Variants in CD247 observed in about 807,000 individuals in gnomAD.
CD247 encodes T-cell surface glycoprotein CD3 zeta chain.
CD247 carries 13 observed loss-of-function variants against 30.0 expected under a neutral mutation model. That is an observed-to-expected ratio of 0.43 (90% CI 0.28 to 0.69). The LOEUF (loss-of-function observed/expected upper bound fraction) is 0.69, where lower values mean the gene tolerates loss of function less well. Among genes scored for constraint, CD247 ranks in the 30% least tolerant of loss-of-function variants. The pLI, the probability that CD247 is intolerant of heterozygous loss-of-function variation, is 0.16. For synonymous variants in CD247, 72 were observed against 80.0 expected (o/e 0.90, Z 0.53); for missense variants, 193 against 212.6 (o/e 0.91, Z 0.57).
intron 2 of CD247, 95 bp downstream of exon 2, chr1:167,440,569 C>T: frequency 2.5e-6 from 2 of 805,580 alleles, no homozygotes; most frequent in Non-Finnish European, 4.3e-6. Context: ...CCCCAGGCAC[C>T]ACCCGAGCTT....
chr1:167,488,048 T>C (rs922893141), intron 1 of CD247, among the ~76,000 whole-genome samples: 1 of 152,172 alleles, frequency 6.6e-6, no homozygotes, highest in Non-Finnish European at 1.5e-5. Flanking sequence ...CCCACAATAC[T>C]ACTTTCTAGC....
intron 3 of CD247, 68 bp downstream of exon 3, chr1:167,439,276 C>T: frequency 7.1e-7 from 1 of 1,412,518 alleles, no homozygotes; most frequent in Admixed American, 1.7e-5. Flanking sequence ...CTCTGGCGGG[C>T]GCGTTCCCTA....
chr1:167,460,323 G>A (rs1054176762), intron 1 of CD247, among the ~76,000 whole-genome samples: 17 of 152,104 alleles, frequency 1.1e-4, no homozygotes, highest in Non-Finnish European at 1.0e-4. Flanking sequence ...GATCACCTGA[G>A]CCCGAGGAGG....
chr1:167,437,836 A>AT (rs1467541475), intron 4 of CD247, among the ~76,000 whole-genome samples: 1 of 152,224 alleles, frequency 6.6e-6, no homozygotes, highest in Non-Finnish European at 1.5e-5. Context: ...AGTACTATAC[A>AT]TTTTAATATC....
chr1:167,433,949 G>A, intron 6 of CD247, 71 bp downstream of exon 6: 1 of 1,324,364 alleles, frequency 7.6e-7, no homozygotes, highest in Non-Finnish European at 1.1e-6. Context: ...GATGGGAAAG[G>A]AGGCCTGCAG....
intron 1 of CD247, among the ~76,000 whole-genome samples, chr1:167,505,682 G>C (rs1007716895): frequency 1.3e-5 from 2 of 152,268 alleles, no homozygotes; most frequent in Non-Finnish European, 2.9e-5. Flanking sequence ...TGCAGAAGCT[G>C]GAGTGGAGGG....
intron 1 of CD247, among the ~76,000 whole-genome samples, chr1:167,479,155 A>C (rs7518703): frequency 0.12 from 17,908 of 152,220 alleles, 1,379 homozygotes; most frequent in Admixed American, 0.25. Context: ...GGTTATTCAT[A>C]CTGTTTAATC....
At position 167,461,912 on chromosome 1, in the gene CD247, A is replaced by G. The variant is rs536490987; in HGVS notation, c.59-21145T>C. ...CCTCCCTTTTGTGTCCCCCACCCTC[A>G]AACCTTAGTTGCACTTTAGGTCAAT... On this transcript the variant is annotated intron_variant, in intron 1 of 7. Coordinates refer to ENST00000362089, the MANE Select transcript of CD247 (RefSeq NM_198053.3). Among the ~76,000 whole-genome samples, 90 of 152,306 alleles carry G rather than the reference A, an allele frequency of 5.9e-4. No individual in the cohort carries two copies. The Middle Eastern group carries it at 0.014, about 23-fold the overall frequency.
intron 1 of CD247, among the ~76,000 whole-genome samples, chr1:167,498,326 C>T (rs1179931864): frequency 6.6e-6 from 1 of 152,192 alleles, no homozygotes; most frequent in Non-Finnish European, 1.5e-5. Flanking sequence ...TTGGAATGCT[C>T]AGGTCCCTCA....
At chr1:167,466,710 G>A (rs1265516134) in intron 1 of CD247, among the ~76,000 whole-genome samples, 4 of 152,216 alleles carry the variant, frequency 2.6e-5, no homozygotes, top group African/African-American at 7.2e-5. Context: ...TTTCAAGAGC[G>A]AGGCCTGTGG....
chr1:167,467,751 C>A (rs760911385), intron 1 of CD247, among the ~76,000 whole-genome samples: 2 of 152,176 alleles, frequency 1.3e-5, no homozygotes, highest in Non-Finnish European at 2.9e-5. Context: ...CCACATGAAC[C>A]CCAGCACAGT....
chr1:167,487,346 A>G (rs1261256172), intron 1 of CD247, among the ~76,000 whole-genome samples: 1 of 152,238 alleles, frequency 6.6e-6, no homozygotes, highest in Non-Finnish European at 1.5e-5. Context: ...ACTGCACTCC[A>G]GCCTGAGAGA....
chr1:167,440,750 G>A lies in CD247; in HGVS notation c.76C>T (p.Leu26=), dbSNP rs1651787952. The A allele has an allele frequency of 6.2e-7, 1 of 1,612,924 alleles. No individual in the cohort carries two copies. The highest frequency in any genetic ancestry group is 1.7e-5 in the Admixed American group (1 of 59,996). Residue 26 remains leucine, a synonymous_variant, in exon 2 of 8, where the codon CTG becomes TTG. Coordinates refer to ENST00000362089, the MANE Select transcript of CD247 (RefSeq NM_198053.3). ...LPITEAQSFG[L]LDPKLCYLLD... Reference sequence around the variant, plus strand: ...AGGTAGCAGAGTTTGGGATCCAGCAGGCCAAAGCTCTGTGCCTCTGTGCCA... The same window carrying A: ...AGGTAGCAGAGTTTGGGATCCAGCAAGCCAAAGCTCTGTGCCTCTGTGCCA...
At chr1:167,503,983 C>A (rs1448085617) in intron 1 of CD247, among the ~76,000 whole-genome samples, 1 of 152,190 alleles carries the variant, frequency 6.6e-6, no homozygotes, top group Non-Finnish European at 1.5e-5. Context: ...TAATTCCCTT[C>A]TCCATGTGGC....
At chr1:167,452,631 C>T (rs934755447) in intron 1 of CD247, among the ~76,000 whole-genome samples, 4 of 152,034 alleles carry the variant, frequency 2.6e-5, no homozygotes, top group East Asian at 3.8e-4. Context: ...GCCTCCCAGC[C>T]GAGCAGAGAG....
At chr1:167,491,794 G>A (rs1654461369) in intron 1 of CD247, among the ~76,000 whole-genome samples, 1 of 152,172 alleles carries the variant, frequency 6.6e-6, no homozygotes, top group Non-Finnish European at 1.5e-5. Flanking sequence ...GCCTTGAAAA[G>A]GAAGGAAATT....
chr1:167,484,845 A>G (rs1654137351), intron 1 of CD247, among the ~76,000 whole-genome samples: 1 of 152,230 alleles, frequency 6.6e-6, no homozygotes. Context: ...CTCAGAAGAA[A>G]AACCAGGCGG....
intron 3 of CD247, among the ~76,000 whole-genome samples, 167 bp from the exon 4 acceptor site, chr1:167,438,817 GACATCTCAGAGA>G (rs367748600): frequency 4.0e-4 from 61 of 152,226 alleles, no homozygotes; most frequent in African/African-American, 1.4e-3. Flanking sequence ...CATCCCAGAG[GACATCTCAGAGA>G]ACACGCCTTA....
chr1:167,451,808 G>A (rs1481162219), intron 1 of CD247, among the ~76,000 whole-genome samples: 1 of 152,222 alleles, frequency 6.6e-6, no homozygotes, highest in Admixed American at 6.5e-5. Context: ...TCGTGTCCTT[G>A]TAAGAAGACA....
Sources: gnomAD v4.1 joint callset for allele counts (sites outside exome capture counted in the v4.1 genomes callset) on GRCh38, gnomAD v4.1.1 for gene constraint, MANE v1.5 for transcripts, NCBI Gene and HGNC (gene_info 2026-07-23, HGNC 2026-07-21) for gene names.